CCDC175: variants seen among roughly 807,000 people sequenced by gnomAD.
The protein encoded by CCDC175 is coiled-coil domain-containing protein 175.
A neutral mutation model predicts 114.6 loss-of-function variants in CCDC175; 100 were observed. The observed-to-expected ratio is 0.87, with a 90% confidence interval of 0.74 to 1.03. CCDC175 has a LOEUF of 1.03. CCDC175 is among the 50% of genes least tolerant of loss of function. CCDC175 has a pLI of 0.00. For missense variants in CCDC175, 880 were observed against 917.8 expected (o/e 0.96, Z 0.53); for synonymous variants, 306 against 308.7 (o/e 0.99, Z 0.09).
At chr14:59,507,936 A>C (rs1353983993) in intron 19 of CCDC175, among the ~76,000 whole-genome samples, 1 of 152,174 alleles carries the variant, frequency 6.6e-6, no homozygotes, top group Non-Finnish European at 1.5e-5. Context: ...ACTGTTTATC[A>C]TGAACGCAGG....
At chr14:59,530,383 A>C (rs1196330032) in intron 14 of CCDC175, among the ~76,000 whole-genome samples, 3 of 150,862 alleles carry the variant, frequency 2.0e-5, no homozygotes, top group Non-Finnish European at 3.0e-5. Flanking sequence ...AGAAAGAAAG[A>C]AAGCAAAAAA....
At chr14:59,514,780 G>C (rs1389870278) in intron 17 of CCDC175, among the ~76,000 whole-genome samples, 2 of 152,122 alleles carry the variant, frequency 1.3e-5, no homozygotes, top group African/African-American at 4.8e-5. Context: ...AATCTAGCAA[G>C]GCAGGCCAAC....
intron 13 of CCDC175, among the ~76,000 whole-genome samples, chr14:59,533,937 C>G (rs1894230391): frequency 6.7e-6 from 1 of 149,156 alleles, no homozygotes. Flanking sequence ...TGCAGTGAGC[C>G]TAGATCGCGC....
intron 16 of CCDC175, among the ~76,000 whole-genome samples, chr14:59,524,376 A>T (rs1020219560): frequency 1.3e-5 from 2 of 152,218 alleles, no homozygotes; most frequent in Non-Finnish European, 2.9e-5. Flanking sequence ...CCTCTGCTAT[A>T]AAAAGAGCTA....
chr14:59,523,727 A>C lies in CCDC175; in HGVS notation c.1995+1555T>G, dbSNP rs548840083. ...ACATTCAGCCGGGCGCGGTGGCTCAAGCCTGTAATCCTAGCACTATGGGAG... is the reference window on the plus strand; with the variant it reads ...ACATTCAGCCGGGCGCGGTGGCTCACGCCTGTAATCCTAGCACTATGGGAG... On this transcript the variant is annotated intron_variant, in intron 16 of 19. Transcript: ENST00000537690. 2.0e-4 allele frequency among the ~76,000 whole-genome samples: 30 copies of C among 152,248 alleles called. No individual in the cohort carries two copies. The South Asian group carries it at 3.9e-3, about 20-fold the overall frequency.
intron 14 of CCDC175, among the ~76,000 whole-genome samples, chr14:59,528,956 G>A (rs372691888): frequency 1.2e-3 from 186 of 152,086 alleles, no homozygotes; most frequent in Non-Finnish European, 2.2e-3. Context: ...GTATGCTTAT[G>A]CTCTTTGCAT....
intron 17 of CCDC175, among the ~76,000 whole-genome samples, chr14:59,514,309 G>C (rs1892933980): frequency 1.3e-5 from 2 of 152,178 alleles, no homozygotes; most frequent in Admixed American, 6.5e-5. Context: ...GAACAAAGTT[G>C]GACAGAGAAT....
rs1487289604 is a variant in CCDC175, at chr14:59,561,118, C to T, written c.953+1G>A. 1.4e-6 allele frequency: 2 copies of T among 1,463,600 alleles called. No homozygotes were observed. Among genetic ancestry groups the T allele is most frequent in the African/African-American group, 1.4e-5 (1 of 71,512 alleles). 90.7% of individuals were successfully genotyped at this position (1,463,600 alleles called of 1,614,324 possible). On this transcript the variant is annotated splice_donor_variant, in intron 7 of 19. Transcript: ENST00000537690. LOFTEE classifies it high-confidence loss of function. ...AAGTAAAAATAAAGCATTACACTTA[C>T]AGTTTCGCCTCCAGAATTGCAAGGT...
intron 3 of CCDC175, among the ~76,000 whole-genome samples, chr14:59,568,861 T>C (rs1223905206): frequency 2.0e-5 from 3 of 152,144 alleles, no homozygotes; most frequent in African/African-American, 7.2e-5. Flanking sequence ...TTCTCATAAT[T>C]AATTAGTTTC....
In CCDC175 at chr14:59,538,096, G is replaced by T; in HGVS notation, c.1550C>A (p.Thr517Lys). 6.5e-7 allele frequency: 1 copy of T among 1,532,244 alleles called. No homozygotes were observed. The highest frequency in any genetic ancestry group is 1.4e-5 in the African/African-American group (1 of 72,958). 94.9% of individuals were successfully genotyped at this position (1,532,244 alleles called of 1,614,324 possible). ...TGCTTTCTCCTCTTCTTTTAATTCT[G>T]TTGTAAGTTTTTCAATCTGTGCCAC... Reference protein sequence around the residue: ...GFVAQIEKLTTELKEEEKAFV... With the variant: ...GFVAQIEKLTKELKEEEKAFV... The change falls in exon 13 of 20, where the codon ACA becomes AAA. Residue 517 changes from threonine (T) to lysine (K), a missense_variant. Coordinates refer to ENST00000537690, the MANE Select transcript of CCDC175 (RefSeq NM_001164399.2).
At chr14:59,517,875 C>T (rs998359587) in intron 17 of CCDC175, among the ~76,000 whole-genome samples, 3 of 152,196 alleles carry the variant, frequency 2.0e-5, no homozygotes, top group East Asian at 1.9e-4. Flanking sequence ...CAATCCTAAG[C>T]CAAAAGGACA....
chr14:59,506,083 A>T (rs548416637), intron 19 of CCDC175, among the ~76,000 whole-genome samples: 51 of 152,106 alleles, frequency 3.4e-4, no homozygotes, highest in African/African-American at 1.1e-3. Flanking sequence ...AGGGATACTA[A>T]ATCTGTGTTT....
At chr14:59,540,995 T>C (rs1894751356) in intron 10 of CCDC175, among the ~76,000 whole-genome samples, 1 of 152,154 alleles carries the variant, frequency 6.6e-6, no homozygotes, top group African/African-American at 2.4e-5. Flanking sequence ...GGGAGGCAAC[T>C]GATGAAGGGT....
chr14:59,535,835 T>C (rs779202794), intron 13 of CCDC175, among the ~76,000 whole-genome samples: 4 of 152,248 alleles, frequency 2.6e-5, no homozygotes, highest in Non-Finnish European at 5.9e-5. Context: ...TTGTGAGGAA[T>C]GTGTTTAGCT....
At chr14:59,555,124 A>G (rs1940726193) in intron 7 of CCDC175, among the ~76,000 whole-genome samples, 1 of 152,262 alleles carries the variant, frequency 6.6e-6, no homozygotes, top group Admixed American at 6.5e-5. Context: ...TGAGGCCAGC[A>G]TCATCCTGAT....
chr14:59,515,442 T>C (rs1377216879), intron 17 of CCDC175, among the ~76,000 whole-genome samples: 10 of 152,172 alleles, frequency 6.6e-5, no homozygotes, highest in South Asian at 2.1e-4. Flanking sequence ...CAGAGACACA[T>C]ATAGGCTCAA....
chr14:59,511,941 A>T, intron 17 of CCDC175, 138 bp from the exon 18 acceptor site: 1 of 640,718 alleles, frequency 1.6e-6, no homozygotes, highest in South Asian at 2.0e-5. Context: ...AGAATAACTG[A>T]ATTGGACCTG....
At chr14:59,525,194 A>G in intron 16 of CCDC175, 88 bp downstream of exon 16, 1 of 1,034,462 alleles carries the variant, frequency 9.7e-7, no homozygotes, top group Non-Finnish European at 1.3e-6. Context: ...ATTTTTCAAG[A>G]GCTATTCTCT....
intron 13 of CCDC175, among the ~76,000 whole-genome samples, chr14:59,534,222 G>A (rs1183052559): frequency 1.3e-5 from 2 of 152,100 alleles, no homozygotes; most frequent in Non-Finnish European, 2.9e-5. Flanking sequence ...GTGGGCTCAG[G>A]TTGTTGGAGT....
Sources: allele counts gnomAD v4.1 joint callset (sites outside exome capture counted in the v4.1 genomes callset), GRCh38; gene constraint gnomAD v4.1.1; transcripts MANE v1.5; gene names NCBI Gene and HGNC (gene_info 2026-07-23, HGNC 2026-07-21).